PDE4D: variants seen among roughly 807,000 people sequenced by gnomAD.
The protein encoded by PDE4D is 3',5'-cyclic-AMP phosphodiesterase 4D.
In PDE4D, 24 loss-of-function variants were observed where a neutral mutation model predicts 87.4. That is an observed-to-expected ratio of 0.27 (90% CI 0.20 to 0.39). The LOEUF (loss-of-function observed/expected upper bound fraction) is 0.39, where lower values mean the gene tolerates loss of function less well. Ranked by LOEUF, PDE4D falls within the 10% of genes least tolerant of loss-of-function variation. PDE4D has a pLI of 1.00. For missense variants in PDE4D, 714 were observed against 1,041.0 expected (o/e 0.69, Z 4.32); for synonymous variants, 384 against 383.2 (o/e 1.00, Z -0.02).
intron 1 of PDE4D, among the ~76,000 whole-genome samples, chr5:60,209,155 T>A (rs1330074152): frequency 6.6e-6 from 1 of 151,842 alleles, no homozygotes; most frequent in Non-Finnish European, 1.5e-5. Flanking sequence ...GAAATCCTGC[T>A]TGTCCCCAAG....
At chr5:59,502,573 CA>C (rs80059313) in intron 1 of PDE4D, among the ~76,000 whole-genome samples, 2,569 of 151,270 alleles carry the variant, frequency 0.017, 78 homozygotes, top group East Asian at 0.13. Context: ...GGGACAAGAT[CA>C]AAAAGACTTA....
chr5:59,869,299 A>G (rs1423525500), intron 1 of PDE4D, among the ~76,000 whole-genome samples: 1 of 152,208 alleles, frequency 6.6e-6, no homozygotes, highest in Non-Finnish European at 1.5e-5. Context: ...TAGGGGGTTA[A>G]TAGGCAGTGA....
chr5:59,480,080 T>G (rs1344832561), intron 1 of PDE4D, among the ~76,000 whole-genome samples: 9 of 152,066 alleles, frequency 5.9e-5, no homozygotes, highest in Non-Finnish European at 1.3e-4. Flanking sequence ...TTTTGGAGGT[T>G]GTATTTTTAA....
At chr5:59,718,175 C>T (rs931351185) in intron 1 of PDE4D, among the ~76,000 whole-genome samples, 1 of 152,104 alleles carries the variant, frequency 6.6e-6, no homozygotes, top group African/African-American at 2.4e-5. Context: ...TCATTGTTTC[C>T]ATGTTTCTGA....
chr5:59,781,784 C>CAAAAA (rs58613622), intron 1 of PDE4D, among the ~76,000 whole-genome samples: 933 of 39,892 alleles, frequency 0.023, 112 homozygotes, highest in Non-Finnish European at 0.034. Context: ...CACTCCATCT[C>CAAAAA]AAAAAAAAAA....
At chr5:60,101,323 C>T (rs1184449765) in intron 2 of PDE4D, among the ~76,000 whole-genome samples, 1 of 152,036 alleles carries the variant, frequency 6.6e-6, no homozygotes, top group Non-Finnish European at 1.5e-5. Flanking sequence ...TACTCTTATT[C>T]AATAATAAGG....
intron 3 of PDE4D, among the ~76,000 whole-genome samples, chr5:59,910,089 T>C (rs1471037345): frequency 6.6e-6 from 1 of 152,190 alleles, no homozygotes; most frequent in African/African-American, 2.4e-5. Context: ...CCTCGATCTT[T>C]CCTTTTTGGG....
chr5:59,627,456 T>G (rs945642073), intron 1 of PDE4D, among the ~76,000 whole-genome samples: 6 of 152,240 alleles, frequency 3.9e-5, no homozygotes, highest in Non-Finnish European at 4.4e-5. Context: ...TTTCATATTT[T>G]ATTCTTACCT....
At chr5:59,767,250 C>T (rs1346043943) in intron 1 of PDE4D, among the ~76,000 whole-genome samples, 1 of 151,938 alleles carries the variant, frequency 6.6e-6, no homozygotes, top group African/African-American at 2.4e-5. Context: ...CTAACACACT[C>T]ATTCTTTTTT....
At chr5:59,937,946 C>T (rs1470473473) in intron 3 of PDE4D, among the ~76,000 whole-genome samples, 2 of 152,156 alleles carry the variant, frequency 1.3e-5, no homozygotes, top group East Asian at 1.9e-4. Flanking sequence ...TCTCCATTAA[C>T]GGTTTCTCTC....
chr5:59,108,696 C>T (rs750572234), intron 5 of PDE4D, among the ~76,000 whole-genome samples: 2 of 152,086 alleles, frequency 1.3e-5, no homozygotes, highest in Non-Finnish European at 2.9e-5. Context: ...GAGTTCTAGA[C>T]CAGCCTGGCC....
At chr5:60,116,618 A>G (rs1319107979) in intron 2 of PDE4D, among the ~76,000 whole-genome samples, 2 of 152,098 alleles carry the variant, frequency 1.3e-5, no homozygotes, top group Non-Finnish European at 2.9e-5. Context: ...ATGGGAAAAT[A>G]ATTGGGTTAA....
intron 2 of PDE4D, among the ~76,000 whole-genome samples, chr5:60,117,566 A>T (rs917931545): frequency 6.6e-6 from 1 of 152,086 alleles, no homozygotes; most frequent in African/African-American, 2.4e-5. Context: ...ATAAAATATG[A>T]ATGTACTGTC....
intron 5 of PDE4D, among the ~76,000 whole-genome samples, chr5:59,073,507 C>CGGG (rs56301552): frequency 0.17 from 6,447 of 37,960 alleles, 342 homozygotes; most frequent in East Asian, 0.47. Flanking sequence ...AAGTGGGGGG[C>CGGG]GGGGGGGGCG....
At chr5:59,872,845 A>T (rs990735202) in intron 1 of PDE4D, among the ~76,000 whole-genome samples, 3 of 152,284 alleles carry the variant, frequency 2.0e-5, no homozygotes, top group South Asian at 2.1e-4. Context: ...ACTCCTACTG[A>T]CTGGTAAGAA....
chr5:60,460,318 T>C, intron 1 of PDE4D: 2 of 1,023,340 alleles, frequency 2.0e-6, no homozygotes, highest in Admixed American at 1.7e-5. Flanking sequence ...AAGATTTTCA[T>C]CAAAATAAAA....
chr5:60,250,473 T>G (rs1282581381), intron 1 of PDE4D, among the ~76,000 whole-genome samples: 1 of 151,982 alleles, frequency 6.6e-6, no homozygotes, highest in Non-Finnish European at 1.5e-5. Flanking sequence ...TTTTCAAGTA[T>G]AATCATGTGC....
chr5:59,470,281 A>G (rs1562245319), intron 1 of PDE4D, among the ~76,000 whole-genome samples: 1 of 151,802 alleles, frequency 6.6e-6, no homozygotes, highest in Non-Finnish European at 1.5e-5. Context: ...TGCCTCACCA[A>G]CAAACTGCTG....
chr5:60,218,226 TC>T (rs1449725710), intron 1 of PDE4D, among the ~76,000 whole-genome samples: 3 of 152,012 alleles, frequency 2.0e-5, no homozygotes. Flanking sequence ...TACACATGAA[TC>T]TCACAAACAC....
Sources: allele counts gnomAD v4.1 joint callset (sites outside exome capture counted in the v4.1 genomes callset), GRCh38; gene constraint gnomAD v4.1.1; transcripts MANE v1.5; gene names NCBI Gene and HGNC (gene_info 2026-07-23, HGNC 2026-07-21).